The following NRG1 variants were observed in gnomAD, a reference collection of about 807,000 sequenced individuals.
NRG1 encodes the protein neuregulin 1, also known as pro-neuregulin-1, membrane-bound isoform.
In NRG1, 18 loss-of-function variants were observed where a neutral mutation model predicts 63.8. That is an observed-to-expected ratio of 0.28 (90% CI 0.19 to 0.42). NRG1 has a LOEUF of 0.42. Ranked by LOEUF, NRG1 falls within the 10% of genes least tolerant of loss-of-function variation. The probability of loss-of-function intolerance (pLI) is 1.00; values close to 1 mark genes in which losing one functional copy is unlikely to be tolerated. For missense variants in NRG1, 762 were observed against 814.7 expected, an observed-to-expected ratio of 0.94 and a Z score of 0.79; for synonymous variants, 302 against 301.3, an observed-to-expected ratio of 1.00 and a Z score of -0.02.
intron 1 of NRG1, among the ~76,000 whole-genome samples, chr8:31,650,535 T>A (rs10113139): frequency 0.015 from 2,312 of 152,312 alleles, 68 homozygotes; most frequent in African/African-American, 0.052. Context: ...CTGTGGAATT[T>A]CTGTTCTTCC....
At chr8:32,440,373 G>A (rs1819382855) in intron 1 of NRG1, among the ~76,000 whole-genome samples, 1 of 151,966 alleles carries the variant, frequency 6.6e-6, no homozygotes, top group African/African-American at 2.4e-5. Context: ...TTCCCTAGCT[G>A]GTCTTGAACT....
At chr8:32,269,825 A>T (rs1488137549) in intron 1 of NRG1, among the ~76,000 whole-genome samples, 1 of 152,134 alleles carries the variant, frequency 6.6e-6, no homozygotes, top group Non-Finnish European at 1.5e-5. Context: ...TTTGTAGAGA[A>T]CTTATTTCTC....
intron 1 of NRG1, among the ~76,000 whole-genome samples, chr8:32,388,929 G>A (rs932042722): frequency 3.9e-5 from 6 of 152,270 alleles, no homozygotes; most frequent in South Asian, 4.1e-4. Flanking sequence ...AAATTTAGGG[G>A]CATCCTTTTG....
chr8:32,501,095 G>A (rs1331578781), intron 1 of NRG1, among the ~76,000 whole-genome samples: 1 of 152,218 alleles, frequency 6.6e-6, no homozygotes, highest in East Asian at 1.9e-4. Flanking sequence ...CTGGCCTACA[G>A]CTGACTGCGT....
chr8:32,213,399 G>T (rs917078580), intron 1 of NRG1, among the ~76,000 whole-genome samples: 1 of 152,092 alleles, frequency 6.6e-6, no homozygotes, highest in African/African-American at 2.4e-5. Flanking sequence ...ACTTATAAAT[G>T]GGGGCTGAAA....
intron 5 of NRG1, among the ~76,000 whole-genome samples, chr8:32,621,954 C>A (rs1405944519): frequency 6.6e-6 from 1 of 152,120 alleles, no homozygotes; most frequent in Non-Finnish European, 1.5e-5. Flanking sequence ...GCCTTTGGCA[C>A]CAAGTTTATT....
downstream of NRG1, among the ~76,000 whole-genome samples, chr8:32,769,750 G>T (rs1246786934): frequency 6.6e-6 from 1 of 152,148 alleles, no homozygotes; most frequent in African/African-American, 2.4e-5. Flanking sequence ...ACAGGAAGCT[G>T]CAATGTTCCT....
intron 1 of NRG1, among the ~76,000 whole-genome samples, chr8:31,964,817 AAAATT>A (rs927677691): frequency 5.3e-5 from 8 of 152,194 alleles, no homozygotes; most frequent in African/African-American, 1.9e-4. Context: ...GAGCCACATA[AAAATT>A]AAGTTACTTG....
At position 32,578,708 on chromosome 8, in the gene NRG1, G is replaced by A. The variant is rs537773618; in HGVS notation, c.101-17120G>A. On this transcript the variant is annotated intron_variant, in intron 1 of 11. Transcript: ENST00000356819. Reference sequence around the variant, plus strand: ...TTATTTCAGGATGATTTCCCCCATTGCAAATAGATAATTGTTCAATAGATT... The same window carrying A: ...TTATTTCAGGATGATTTCCCCCATTACAAATAGATAATTGTTCAATAGATT... Among the ~76,000 whole-genome samples, 3 of 152,166 alleles carry A rather than the reference G, an allele frequency of 2.0e-5. No individual in the cohort carries two copies. In the East Asian group the frequency reaches 5.8e-4, roughly 29 times the overall value.
rs191341862 is a variant in NRG1, at chr8:31,830,222, A to G, written c.37+190791A>G. On this transcript the variant is annotated intron_variant, in intron 1 of 10. Transcript: ENST00000519301. ...AAACACAAGGGAATGAGTTGTTACT[A>G]GACAGAGAAGAAAAAGATTGCTTGG... Among the ~76,000 whole-genome samples the G allele has an allele frequency of 4.9e-4, 75 of 152,314 alleles. 3 individuals carry two copies. In the East Asian group the frequency reaches 0.014, roughly 29 times the overall value.
At chr8:32,629,223 G>A (rs759448812) in intron 5 of NRG1, among the ~76,000 whole-genome samples, 10 of 151,988 alleles carry the variant, frequency 6.6e-5, no homozygotes, top group Non-Finnish European at 1.3e-4. Flanking sequence ...TTATTTTGTA[G>A]TTATACTCAG....
At chr8:32,171,755 C>G (rs892654744) in intron 1 of NRG1, among the ~76,000 whole-genome samples, 3 of 152,104 alleles carry the variant, frequency 2.0e-5, no homozygotes, top group Admixed American at 2.0e-4. Context: ...ATTGCTAGCA[C>G]AGCAGTTTGA....
At chr8:31,823,141 T>C (rs200446203) in intron 1 of NRG1, among the ~76,000 whole-genome samples, 2 of 76,922 alleles carry the variant, frequency 2.6e-5, no homozygotes, top group African/African-American at 9.9e-5. Flanking sequence ...TTTTTTTTTT[T>C]GGTAGTTCTT....
chr8:32,694,549 C>A (rs1248083394), intron 5 of NRG1, among the ~76,000 whole-genome samples: 1 of 152,162 alleles, frequency 6.6e-6, no homozygotes, highest in African/African-American at 2.4e-5. Context: ...AGTCTGAGCT[C>A]TGGTCTCATA....
At chr8:32,196,131 G>GTGTGTGTGTC (rs1207520247) in intron 1 of NRG1, among the ~76,000 whole-genome samples, 3 of 151,758 alleles carry the variant, frequency 2.0e-5, no homozygotes, top group Non-Finnish European at 4.4e-5. Context: ...GTGTGTGTGT[G>GTGTGTGTGTC]TGTGTGTGTG....
At chr8:31,881,243 G>T (rs186084412) in intron 1 of NRG1, among the ~76,000 whole-genome samples, 2 of 152,226 alleles carry the variant, frequency 1.3e-5, no homozygotes, top group East Asian at 3.9e-4. Flanking sequence ...CTCACTTTTT[G>T]TCACATTTTG....
intron 5 of NRG1, among the ~76,000 whole-genome samples, chr8:32,622,653 C>T (rs1479294577): frequency 6.6e-6 from 1 of 152,164 alleles, no homozygotes; most frequent in East Asian, 1.9e-4. Flanking sequence ...TCTCAGCCTA[C>T]CAAAGCGTTG....
intron 1 of NRG1, among the ~76,000 whole-genome samples, chr8:32,541,801 G>A (rs1832601452): frequency 6.6e-6 from 1 of 152,082 alleles, no homozygotes; most frequent in East Asian, 1.9e-4. Context: ...AAATGCCTTG[G>A]CATTTGCTGT....
At chr8:32,355,958 C>T (rs561817698) in intron 1 of NRG1, among the ~76,000 whole-genome samples, 3 of 152,102 alleles carry the variant, frequency 2.0e-5, no homozygotes, top group South Asian at 2.1e-4. Flanking sequence ...TTGTTGTGCA[C>T]GTGCGCGTGT....
Sources: allele counts gnomAD v4.1 joint callset (sites outside exome capture counted in the v4.1 genomes callset), GRCh38; gene constraint gnomAD v4.1.1; transcripts MANE v1.5; gene names NCBI Gene and HGNC (gene_info 2026-07-23, HGNC 2026-07-21).